The following ATAD2B variants were observed in gnomAD, a reference collection of about 807,000 sequenced individuals.
The protein encoded by ATAD2B is ATPase family AAA domain-containing protein 2B.
ATAD2B carries 40 observed loss-of-function variants against 167.6 expected under a neutral mutation model. The observed-to-expected ratio is 0.24, with a 90% CI of 0.19 to 0.31. The LOEUF (loss-of-function observed/expected upper bound fraction) is 0.31, where lower values mean the gene tolerates loss of function less well. ATAD2B is among the 10% of genes least tolerant of loss of function. The probability of loss-of-function intolerance (pLI) is 1.00; values close to 1 mark genes in which losing one functional copy is unlikely to be tolerated. For synonymous variants in ATAD2B, 579 were observed against 596.5 expected (o/e 0.97, Z 0.43); for missense variants, 1,242 against 1,757.2 (o/e 0.71, Z 5.24).
chr2:23,833,731 C>T (rs1315848660), intron 14 of ATAD2B, among the ~76,000 whole-genome samples, 188 bp downstream of exon 14: 1 of 152,154 alleles, frequency 6.6e-6, no homozygotes, highest in Non-Finnish European at 1.5e-5. Flanking sequence ...CTAAAAATCA[C>T]AAACTTTCTT....
intron 8 of ATAD2B, among the ~76,000 whole-genome samples, chr2:23,871,777 T>C (rs1389101682): frequency 2.0e-5 from 3 of 152,288 alleles, no homozygotes; most frequent in African/African-American, 7.2e-5. Context: ...AACTTCTCCT[T>C]AAGATCCTTA....
chr2:23,854,539 G>A (rs372652397), intron 13 of ATAD2B, among the ~76,000 whole-genome samples: 4 of 151,736 alleles, frequency 2.6e-5, no homozygotes, highest in South Asian at 2.1e-4. Context: ...TTAGCCAGGC[G>A]TGGTGGCAGG....
At chr2:23,728,645 T>G in the ATAD2B span, among the ~76,000 whole-genome samples, 2 of 152,208 alleles carry the variant, frequency 1.3e-5, no homozygotes. Flanking sequence ...ACACTATATG[T>G]CCTCAGTCTA....
At chr2:23,737,485 T>C in the ATAD2B span, among the ~76,000 whole-genome samples, 1 of 151,108 alleles carries the variant, frequency 6.6e-6, no homozygotes, top group Admixed American at 6.6e-5. Flanking sequence ...CAGCTGAGGG[T>C]CCTCTCTGTT....
At chr2:23,776,064 C>A (rs1679073928) in intron 22 of ATAD2B, among the ~76,000 whole-genome samples, 1 of 152,014 alleles carries the variant, frequency 6.6e-6, no homozygotes, top group Non-Finnish European at 1.5e-5. Flanking sequence ...TGCAGTGAGC[C>A]GAGATCACGC....
At chr2:23,889,981 G>A (rs559227888) in intron 2 of ATAD2B, among the ~76,000 whole-genome samples, 10 of 151,906 alleles carry the variant, frequency 6.6e-5, no homozygotes, top group South Asian at 4.2e-4. Context: ...TTGGGAGGCC[G>A]AGGCGGGCAG....
At chr2:23,894,595 G>C (rs1165428972) in intron 2 of ATAD2B, among the ~76,000 whole-genome samples, 1 of 151,924 alleles carries the variant, frequency 6.6e-6, no homozygotes, top group Non-Finnish European at 1.5e-5. Flanking sequence ...CATCTTAAAA[G>C]CCCAATTTTA....
At chr2:23,864,122 A>C (rs1210777435) in intron 11 of ATAD2B, among the ~76,000 whole-genome samples, 1 of 151,300 alleles carries the variant, frequency 6.6e-6, no homozygotes, top group Admixed American at 6.6e-5. Flanking sequence ...CTCATGCCTC[A>C]GCCTCCCGAG....
At chr2:23,716,444 G>GTTT in the ATAD2B span, among the ~76,000 whole-genome samples, 1 of 151,212 alleles carries the variant, frequency 6.6e-6, no homozygotes, top group South Asian at 2.2e-4. Flanking sequence ...TTTCATTGTT[G>GTTT]TTGTTGTTGT....
intron 1 of ATAD2B, among the ~76,000 whole-genome samples, chr2:23,913,414 C>T (rs1298315594): frequency 2.0e-5 from 3 of 152,052 alleles, no homozygotes; most frequent in Admixed American, 6.6e-5. Flanking sequence ...CCAAGGCGGG[C>T]AGATCACTTG....
In ATAD2B at chr2:23,805,850, C is replaced by G. The variant is rs578156691; in HGVS notation, c.2454+4466G>C. Among the ~76,000 whole-genome samples the G allele has an allele frequency of 9.0e-4, 130 of 143,812 alleles. 1 individual carries two copies. The highest frequency in any genetic ancestry group is 5.3e-3 in the Admixed American group (77 of 14,542). The allele number at this position is 143,812 out of a possible 152,430, so 94.3% of individuals were successfully genotyped here. A position where few individuals can be genotyped will look rare whatever the true frequency, so the allele number is the denominator to read the frequency against. On this transcript the variant is annotated intron_variant, in intron 18 of 27. Coordinates refer to ENST00000238789, the MANE Select transcript of ATAD2B (RefSeq NM_017552.4). The stretch of plus-strand genomic sequence containing the variant: ...TTTTCACTTAAGTGAAGCTTAGAAT[C>G]TTTTCACATTTTTATTGGTTACTTT...
chr2:23,837,796 T>C (rs1256526492), intron 13 of ATAD2B, among the ~76,000 whole-genome samples: 1 of 152,266 alleles, frequency 6.6e-6, no homozygotes, highest in African/African-American at 2.4e-5. Context: ...AGATTTACAT[T>C]ATCGTTACAC....
intron 4 of ATAD2B, among the ~76,000 whole-genome samples, chr2:23,887,015 T>A (rs936772008): frequency 6.1e-5 from 9 of 147,760 alleles, no homozygotes; most frequent in Admixed American, 1.3e-4. Flanking sequence ...CGGTGGCTCA[T>A]GCCTGTAATC....
chr2:23,792,822 C>T (rs1252706243), intron 19 of ATAD2B, among the ~76,000 whole-genome samples: 1 of 151,412 alleles, frequency 6.6e-6, no homozygotes, highest in African/African-American at 2.4e-5. Flanking sequence ...ATTAGCTGGG[C>T]GTGGTGGCGG....
intron 13 of ATAD2B, among the ~76,000 whole-genome samples, chr2:23,838,780 T>C (rs1690411124): frequency 1.3e-5 from 2 of 152,174 alleles, no homozygotes; most frequent in Non-Finnish European, 1.5e-5. Flanking sequence ...GGCATCCATA[T>C]GTGTGTGCAT....
In ATAD2B at chr2:23,780,267, T is replaced by TTGTGTGTG. The variant is rs67788174; in HGVS notation, c.3133+2594_3133+2601dup. On this transcript the variant is annotated intron_variant, in intron 22 of 27. Coordinates refer to ENST00000238789, the MANE Select transcript of ATAD2B (RefSeq NM_017552.4). ...TGTCTCCAAAAAAAAAAGTATATAC[T>TTGTGTGTG]TGTGTGTGTGTGTGTGTGTGTGTGT... 4.5e-3 allele frequency among the ~76,000 whole-genome samples: 651 copies of TTGTGTGTG among 144,068 alleles called. 4 individuals are homozygous for TTGTGTGTG. The highest frequency in any genetic ancestry group is 0.012 in the African/African-American group (459 of 38,602). The allele number at this position is 144,068 out of a possible 152,430, so 94.5% of individuals were successfully genotyped here. A position where few individuals can be genotyped will look rare whatever the true frequency, so the allele number is the denominator to read the frequency against.
the ATAD2B span, among the ~76,000 whole-genome samples, chr2:23,692,607 C>T: frequency 3.3e-5 from 5 of 152,266 alleles, no homozygotes; most frequent in Admixed American, 6.5e-5. Flanking sequence ...GTGAGGCTCG[C>T]GCACAGATGG....
At chr2:23,792,990 A>AAAAAAAAAAAC (rs1682041894) in intron 19 of ATAD2B, among the ~76,000 whole-genome samples, 14 of 148,948 alleles carry the variant, frequency 9.4e-5, no homozygotes, top group African/African-American at 3.5e-4. Context: ...AAAAAAAAAA[A>AAAAAAAAAAAC]CTTGAGAAGA....
At chr2:23,745,401 G>GAAGGAAGGAAGGAAGA (rs1674794852), downstream of ATAD2B, among the ~76,000 whole-genome samples, 4 of 122,058 alleles carry the variant, frequency 3.3e-5, no homozygotes, top group African/African-American at 1.3e-4. Flanking sequence ...AGGAAGGAAG[G>GAAGGAAGGAAGGAAGA]AAGGAAGGAA....
Sources: gnomAD v4.1 joint callset for allele counts (sites outside exome capture counted in the v4.1 genomes callset) on GRCh38, gnomAD v4.1.1 for gene constraint, MANE v1.5 for transcripts, NCBI Gene and HGNC (gene_info 2026-07-23, HGNC 2026-07-21) for gene names.